The following SORBS2 variants were observed in gnomAD, a reference collection of about 807,000 sequenced individuals.
SORBS2 encodes sorbin and SH3 domain-containing protein 2.
Under a neutral mutation model 97.7 loss-of-function variants are expected in SORBS2, and 46 were observed. The ratio of observed to expected loss-of-function variants is 0.47; its 90% CI spans 0.37 to 0.60. The LOEUF is 0.60. SORBS2 is among the 20% of genes least tolerant of loss of function. SORBS2 has a pLI of 0.00. For synonymous variants in SORBS2, 476 were observed against 473.4 expected (o/e 1.01, Z -0.07); for missense variants, 1,316 against 1,282.3 (o/e 1.03, Z -0.40).
At chr4:185,716,979 A>C (rs2153555627) in intron 2 of SORBS2, among the ~76,000 whole-genome samples, 1 of 152,390 alleles carries the variant, frequency 6.6e-6, no homozygotes, top group Admixed American at 6.5e-5. Flanking sequence ...AATTGCAATT[A>C]GATTTTTAAC....
intron 1 of SORBS2, among the ~76,000 whole-genome samples, chr4:185,874,800 C>T (rs559999205): frequency 4.0e-5 from 6 of 148,304 alleles, no homozygotes; most frequent in Non-Finnish European, 8.9e-5. Context: ...AACATAGGAA[C>T]GAGGCCATTT....
At chr4:185,663,848 CTTTTTTTTT>C (rs56177449) in intron 4 of SORBS2, among the ~76,000 whole-genome samples, 3 of 80,982 alleles carry the variant, frequency 3.7e-5, no homozygotes, top group African/African-American at 1.4e-4. Flanking sequence ...TAGATTTATT[CTTTTTTTTT>C]TTTTTTTTTT....
chr4:185,932,266 G>A (rs1377977097), intron 1 of SORBS2, among the ~76,000 whole-genome samples: 1 of 151,622 alleles, frequency 6.6e-6, no homozygotes, highest in Admixed American at 6.6e-5. Context: ...AAAAAAGGAT[G>A]GATCCCCTGA....
chr4:185,639,191 C>T (rs750271866), intron 4 of SORBS2, among the ~76,000 whole-genome samples, 156 bp from the exon 14 acceptor site: 2 of 152,138 alleles, frequency 1.3e-5, no homozygotes, highest in Non-Finnish European at 2.9e-5. Context: ...GCCTCGGGAG[C>T]GATCCGGGCC....
chr4:185,855,126 G>T (rs2099220069), intron 1 of SORBS2, among the ~76,000 whole-genome samples: 1 of 152,054 alleles, frequency 6.6e-6, no homozygotes, highest in Non-Finnish European at 1.5e-5. Flanking sequence ...TGCTTTGTCT[G>T]GTCCAGGGCA....
At position 185,620,274 on chromosome 4, in the gene SORBS2, C is replaced by T. The variant is rs563837321; in HGVS notation, c.2216-123G>A. Reference sequence around the variant, plus strand: ...AATTTGGAGAGACACCGTTATCGAACACATGGGCATAAAACTCATAGTTCA... The same window carrying T: ...AATTTGGAGAGACACCGTTATCGAATACATGGGCATAAAACTCATAGTTCA... On this transcript the variant is annotated intron_variant, in intron 7 of 14. Coordinates refer to ENST00000418609, the Ensembl canonical transcript of SORBS2. 4.2e-6 allele frequency: 3 copies of T among 707,080 alleles called. No individual in the cohort carries two copies. The Admixed American group carries it at 6.2e-5, about 15-fold the overall frequency. The allele number at this position is 707,080 out of a possible 1,614,324, so 43.8% of individuals were successfully genotyped here. A position where few individuals can be genotyped will look rare whatever the true frequency, so the allele number is the denominator to read the frequency against.
chr4:185,896,743 C>T (rs1293009747), intron 1 of SORBS2, among the ~76,000 whole-genome samples: 1 of 151,998 alleles, frequency 6.6e-6, no homozygotes, highest in Non-Finnish European at 1.5e-5. Flanking sequence ...GTGTGTGCCC[C>T]TAACAAAGAG....
intron 1 of SORBS2, among the ~76,000 whole-genome samples, chr4:185,787,356 T>A (rs1003058256): frequency 1.3e-5 from 2 of 152,132 alleles, no homozygotes; most frequent in Non-Finnish European, 2.9e-5. Context: ...CAAACTGAAC[T>A]GATGCATTGG....
At chr4:185,801,670 C>A (rs62335691) in intron 1 of SORBS2, among the ~76,000 whole-genome samples, 35,307 of 145,258 alleles carry the variant, frequency 0.24, 4,181 homozygotes, top group Middle Eastern at 0.3. Context: ...TGAATCATCT[C>A]TCTCTCTCTC....
At chr4:185,875,560 T>A (rs2099233088) in intron 1 of SORBS2, among the ~76,000 whole-genome samples, 1 of 152,224 alleles carries the variant, frequency 6.6e-6, no homozygotes, top group Admixed American at 6.5e-5. Context: ...CAGTGCTTAG[T>A]TTTAAAAAAT....
chr4:185,846,307 G>A (rs1368443489), intron 1 of SORBS2, among the ~76,000 whole-genome samples: 1 of 152,164 alleles, frequency 6.6e-6, no homozygotes, highest in African/African-American at 2.4e-5. Flanking sequence ...AAAAGACTAA[G>A]TATTGCATGT....
At chr4:185,591,081 T>C (rs2095917183) in intron 13 of SORBS2, among the ~76,000 whole-genome samples, 1 of 142,746 alleles carries the variant, frequency 7.0e-6, no homozygotes, top group Non-Finnish European at 1.5e-5. Context: ...AGAACAAAAC[T>C]ATTCTATCAT....
chr4:185,688,418 G>A (rs2098015933), intron 2 of SORBS2, among the ~76,000 whole-genome samples: 1 of 143,914 alleles, frequency 6.9e-6, no homozygotes, highest in Non-Finnish European at 1.6e-5. Context: ...CAATAAAACT[G>A]GCCTGTATTA....
chr4:185,733,447 G>T (rs1259379220), intron 2 of SORBS2, among the ~76,000 whole-genome samples: 14 of 152,212 alleles, frequency 9.2e-5, no homozygotes, highest in Admixed American at 7.8e-4. Flanking sequence ...TTGGAGCAAG[G>T]GCCCATCCCG....
chr4:185,641,271 C>T (rs1368892918), intron 4 of SORBS2, among the ~76,000 whole-genome samples: 1 of 151,636 alleles, frequency 6.6e-6, no homozygotes, highest in African/African-American at 2.4e-5. Flanking sequence ...AGAATGCATG[C>T]CAATAGAAAT....
intron 1 of SORBS2, among the ~76,000 whole-genome samples, chr4:185,841,317 G>A (rs1196159264): frequency 6.6e-6 from 1 of 152,196 alleles, no homozygotes; most frequent in East Asian, 1.9e-4. Flanking sequence ...TGGAGGCAAA[G>A]GTTGGGGGGA....
chr4:185,607,717 T>C lies in SORBS2; in HGVS notation c.2796+4063A>G, dbSNP rs13112603. Among the ~76,000 whole-genome samples, 18,954 of 152,090 alleles carry C rather than the reference T, an allele frequency of 0.12. 1,374 individuals are homozygous for C. The highest frequency in any genetic ancestry group is 0.2 in the African/African-American group (8,218 of 41,480). On this transcript the variant is annotated intron_variant, in intron 12 of 14. Transcript: ENST00000418609. This position sits in a 1 kb window ranked among gnomAD's most constrained non-coding sequence, Gnocchi z 5.2. ...AATTTTTTAAAAAATTTTTTAGAGATGGAGTCTCGCTGTGGCACCCAGGCT... is the reference window on the plus strand; with the variant it reads ...AATTTTTTAAAAAATTTTTTAGAGACGGAGTCTCGCTGTGGCACCCAGGCT...
chr4:185,687,404 G>A (rs1364439399), intron 2 of SORBS2, among the ~76,000 whole-genome samples: 1 of 152,176 alleles, frequency 6.6e-6, no homozygotes, highest in Non-Finnish European at 1.5e-5. Context: ...AAATTTTTCA[G>A]TGTGCAACAG....
intron 1 of SORBS2, among the ~76,000 whole-genome samples, chr4:185,926,681 A>C (rs1486412271): frequency 1.3e-5 from 2 of 152,026 alleles, no homozygotes; most frequent in Non-Finnish European, 2.9e-5. Context: ...GTTCTGATAA[A>C]CATCCTTATA....
Sources: allele counts gnomAD v4.1 joint callset (sites outside exome capture counted in the v4.1 genomes callset), GRCh38; gene constraint gnomAD v4.1.1; non-coding constraint Gnocchi (gnomAD v3.1); transcripts MANE v1.5; gene names NCBI Gene and HGNC (gene_info 2026-07-23, HGNC 2026-07-21).